LDLRAD4: variants seen among roughly 807,000 people sequenced by gnomAD.
LDLRAD4 encodes low density lipoprotein receptor class A domain containing 4, also known as low-density lipoprotein receptor class A domain-containing protein 4.
Under a neutral mutation model 17.0 loss-of-function variants are expected in LDLRAD4, and 5 were observed. The ratio of observed to expected loss-of-function variants is 0.29; its 90% CI spans 0.15 to 0.62. The LOEUF is 0.62. Ranked by LOEUF, LDLRAD4 falls within the 20% of genes least tolerant of loss-of-function variation. The pLI, the probability that LDLRAD4 is intolerant of heterozygous loss-of-function variation, is 0.84. For missense variants in LDLRAD4, 340 were observed against 424.7 expected, an observed-to-expected ratio of 0.80 and a Z score of 1.75; for synonymous variants, 168 against 171.8, an observed-to-expected ratio of 0.98 and a Z score of 0.17.
intron 3 of LDLRAD4, among the ~76,000 whole-genome samples, chr18:13,513,779 G>A (rs2093819769): frequency 6.6e-6 from 1 of 152,184 alleles, no homozygotes; most frequent in Admixed American, 6.5e-5. Flanking sequence ...TGTATAAGGT[G>A]GGTCCTACCC....
chr18:13,339,546 AAGTT>A (rs1393543652), intron 1 of LDLRAD4, among the ~76,000 whole-genome samples: 7 of 152,214 alleles, frequency 4.6e-5, no homozygotes, highest in Non-Finnish European at 8.8e-5. Flanking sequence ...TAAAGACAAA[AAGTT>A]AGCATAAAAA....
chr18:13,317,088 A>G (rs887521242), intron 1 of LDLRAD4, among the ~76,000 whole-genome samples: 3 of 152,190 alleles, frequency 2.0e-5, no homozygotes, highest in Non-Finnish European at 4.4e-5. Context: ...TGCCCGGTGC[A>G]CACACTAGCC....
At position 13,355,926 on chromosome 18, in the gene LDLRAD4, G is replaced by GA. The variant is rs1198650802; in HGVS notation, c.-382-31415_-382-31414insA. Among the ~76,000 whole-genome samples the GA allele has an allele frequency of 2.0e-5, 3 of 152,216 alleles. No individual in the cohort carries two copies. The East Asian group carries it at 5.8e-4, about 29-fold the overall frequency. On this transcript the variant is annotated intron_variant, in intron 1 of 5. Transcript: ENST00000359446. ...GATTAAGGCATGAGCCTCTATGCTT[G>GA]GCCTCCAAGAGTCTTAAGTTGGATT...
chr18:13,567,100 A>G (rs537191307), intron 3 of LDLRAD4, among the ~76,000 whole-genome samples: 1 of 152,254 alleles, frequency 6.6e-6, no homozygotes. Context: ...CGTGTCACTG[A>G]CCTCATCCTC....
At chr18:13,469,443 T>A (rs2092709707) in intron 3 of LDLRAD4, among the ~76,000 whole-genome samples, 1 of 152,234 alleles carries the variant, frequency 6.6e-6, no homozygotes, top group South Asian at 2.1e-4. Context: ...CACTGTTCAT[T>A]ACAGCATTAT....
At chr18:13,225,942 T>G (rs1200992405) in intron 1 of LDLRAD4, among the ~76,000 whole-genome samples, 1 of 152,208 alleles carries the variant, frequency 6.6e-6, no homozygotes, top group Non-Finnish European at 1.5e-5. Flanking sequence ...ACATTGAGGC[T>G]GTTACCGGTT....
chr18:13,249,415 T>C (rs531560436), intron 1 of LDLRAD4, among the ~76,000 whole-genome samples: 1 of 152,332 alleles, frequency 6.6e-6, no homozygotes, highest in Admixed American at 6.5e-5. Flanking sequence ...ATTTATTTCT[T>C]GTCTTTTTGA....
chr18:13,585,952 C>T (rs970344625), intron 3 of LDLRAD4, among the ~76,000 whole-genome samples: 1 of 152,174 alleles, frequency 6.6e-6, no homozygotes, highest in African/African-American at 2.4e-5. Context: ...CAGATTTCCC[C>T]TACTTTCTCC....
At chr18:13,541,921 A>G (rs1231456090) in intron 3 of LDLRAD4, among the ~76,000 whole-genome samples, 2 of 151,524 alleles carry the variant, frequency 1.3e-5, no homozygotes, top group South Asian at 2.1e-4. Flanking sequence ...ATATAGCCCA[A>G]AAAAATTAGT....
At chr18:13,556,205 T>C (rs1056323157) in intron 3 of LDLRAD4, among the ~76,000 whole-genome samples, 2 of 152,238 alleles carry the variant, frequency 1.3e-5, no homozygotes, top group Non-Finnish European at 2.9e-5. Flanking sequence ...GTCTATTGCA[T>C]TGTTGTTTCT....
chr18:13,272,351 GT>G (rs1400038382), intron 1 of LDLRAD4, among the ~76,000 whole-genome samples: 1 of 152,248 alleles, frequency 6.6e-6, no homozygotes, highest in Admixed American at 6.5e-5. Context: ...AATGGCCGGA[GT>G]TGGTGCTCTG....
At chr18:13,565,132 A>G (rs891397390) in intron 3 of LDLRAD4, 14 of 152,318 alleles carry the variant, frequency 9.2e-5, no homozygotes, top group Admixed American at 8.5e-4. Context: ...ACACCAAACA[A>G]CTAGGTTTTC....
At chr18:13,355,627 T>C (rs1455483711) in intron 1 of LDLRAD4, among the ~76,000 whole-genome samples, 1 of 152,236 alleles carries the variant, frequency 6.6e-6, no homozygotes, top group Non-Finnish European at 1.5e-5. Flanking sequence ...GACTTTTCAT[T>C]TCCAAGAGTC....
chr18:13,239,186 CAAA>C (rs35736846), intron 1 of LDLRAD4, among the ~76,000 whole-genome samples: 54 of 121,270 alleles, frequency 4.5e-4, no homozygotes, highest in African/African-American at 1.6e-3. Context: ...GACTCTGTCT[CAAA>C]AAAAAAAAAA....
intron 3 of LDLRAD4, among the ~76,000 whole-genome samples, chr18:13,476,352 C>T (rs576867480): frequency 9.2e-5 from 14 of 152,054 alleles, no homozygotes; most frequent in African/African-American, 2.9e-4. Flanking sequence ...CAGCCTGGGC[C>T]GGTGGCCCAC....
At chr18:13,490,879 G>C (rs1323939080) in intron 3 of LDLRAD4, among the ~76,000 whole-genome samples, 2 of 152,196 alleles carry the variant, frequency 1.3e-5, no homozygotes, top group Admixed American at 1.3e-4. Context: ...GGAGAGTCCA[G>C]CTAAAGCTTC....
In LDLRAD4 at chr18:13,501,945, G is replaced by A. The variant is rs531417983; in HGVS notation, c.181+63561G>A. Among the ~76,000 whole-genome samples, 395 of 152,358 alleles carry A rather than the reference G, an allele frequency of 2.6e-3. 3 individuals carry two copies. Among genetic ancestry groups the A allele is most frequent in the African/African-American group, 9.2e-3 (381 of 41,586 alleles). ...CCTAAGAAAACATCACACTTAAAAT[G>A]CTTTTACTCCACTGGCTTCAGACCT... On this transcript the variant is annotated intron_variant, in intron 3 of 5. Coordinates refer to ENST00000359446, the Ensembl canonical transcript of LDLRAD4.
At chr18:13,547,102 A>C (rs533299592) in intron 3 of LDLRAD4, among the ~76,000 whole-genome samples, 80 of 152,202 alleles carry the variant, frequency 5.3e-4, no homozygotes, top group Non-Finnish European at 9.4e-4. Flanking sequence ...GCCAGTGAGA[A>C]TTGTGCATCT....
At chr18:13,273,734 G>C (rs780603229), upstream of LDLRAD4, among the ~76,000 whole-genome samples, 16 of 152,184 alleles carry the variant, frequency 1.1e-4, no homozygotes, top group Admixed American at 9.2e-4. Flanking sequence ...TTACCTTAGA[G>C]AGTGAGAACA....
Sources: gnomAD v4.1 joint callset for allele counts (sites outside exome capture counted in the v4.1 genomes callset) on GRCh38, gnomAD v4.1.1 for gene constraint, MANE v1.5 for transcripts, NCBI Gene and HGNC (gene_info 2026-07-23, HGNC 2026-07-21) for gene names.